DNAJA4: variants seen among roughly 807,000 people sequenced by gnomAD.
DNAJA4 encodes dnaJ homolog subfamily A member 4.
A neutral mutation model predicts 39.7 loss-of-function variants in DNAJA4; 32 were observed. The ratio of observed to expected loss-of-function variants is 0.81; its 90% confidence interval spans 0.61 to 1.08. DNAJA4 has a LOEUF of 1.08. DNAJA4 is among the 50% of genes least tolerant of loss of function. The pLI is 0.00. For synonymous variants in DNAJA4, 184 were observed against 182.4 expected (o/e 1.01, Z -0.07); for missense variants, 439 against 505.1 (o/e 0.87, Z 1.25).
rs1023214078 is a variant in DNAJA4, at chr15:78,281,506, G to C, written c.*1046G>C. The stretch of plus-strand genomic sequence containing the variant: ...GGTTTCCTGCTCAAGTGATGTTTTG[G>C]TAAGAACTTCGCTGAGTTCCACTGT... On this transcript the variant is annotated 3_prime_UTR_variant, in exon 7 of 7. Coordinates refer to ENST00000394852, the MANE Select transcript of DNAJA4 (RefSeq NM_001130182.2). The C allele has an allele frequency of 6.6e-6, 1 of 152,230 alleles. No individual in the cohort carries two copies. The highest frequency in any genetic ancestry group is 2.4e-5 in the African/African-American group (1 of 41,448). The allele number at this position is 152,230 out of a possible 1,614,324, so 9.4% of individuals were successfully genotyped here.
In DNAJA4 at chr15:78,280,590, GC is replaced by G; in HGVS notation, c.*131del. The stretch of plus-strand genomic sequence containing the variant: ...GTGTATGTGTTCAGCATTCTTAATT[GC>G]TGAGTGTCTTTTTGGCTTTTCTTTT... On this transcript the variant is annotated 3_prime_UTR_variant, in exon 7 of 7. Coordinates refer to ENST00000394852, the MANE Select transcript of DNAJA4 (RefSeq NM_001130182.2). 1 of 742,794 alleles carries G rather than the reference GC, an allele frequency of 1.3e-6. No individual in the cohort carries two copies. The highest frequency in any genetic ancestry group is 3.1e-5 in the Admixed American group (1 of 32,002). 46.0% of individuals were successfully genotyped at this position (742,794 alleles called of 1,614,324 possible).
chr15:78,271,644 G>C (rs2049301736), intron 2 of DNAJA4, among the ~76,000 whole-genome samples: 1 of 152,184 alleles, frequency 6.6e-6, no homozygotes, highest in Admixed American at 6.5e-5. Context: ...CCAGGCCACT[G>C]TTTTGACTTT....
rs77568880 is a variant in DNAJA4 at position 78,280,417 on chromosome 15, A to G, written c.1151A>G (p.Asp384Gly). ...CAGCACAGGGAGGCCTACGAGGAGG[A>G]CGAAGACGGGCCCCAGGCTGGAGTG... ...WRQHREAYEE[D>G]EDGPQAGVQC... Residue 384 changes from aspartate (D) to glycine (G), a missense_variant, in exon 7 of 7, where the codon GAC (aspartate) becomes GGC (glycine). By Grantham distance (94) the Asp-to-Gly change is moderately conservative. Coordinates refer to ENST00000394852, the MANE Select transcript of DNAJA4 (RefSeq NM_001130182.2). The G allele has an allele frequency of 1.1e-3, 1,817 of 1,613,742 alleles. 1 individual carries two copies. Among genetic ancestry groups the G allele is most frequent in the Non-Finnish European group, 1.5e-3 (1,732 of 1,179,960 alleles).
Position 78,280,664 on chromosome 15 carries a change from A to G in DNAJA4, c.*204A>G, listed in dbSNP as rs2049630412. 9.1e-6 allele frequency: 5 copies of G among 549,732 alleles called. No individual in the cohort carries two copies. Among genetic ancestry groups the G allele is most frequent in the Non-Finnish European group, 1.6e-5 (5 of 312,118 alleles). 34.1% of individuals were successfully genotyped at this position (549,732 alleles called of 1,614,324 possible). ...TAATTTATATTTAAATGTTTTAAGT[A>G]TAAATCACCTCTAGTCTGCATATGG... On this transcript the variant is annotated 3_prime_UTR_variant, in exon 7 of 7. Transcript: ENST00000394852.
chr15:78,273,194 G>A lies in DNAJA4; in HGVS notation c.413G>A (p.Cys138Tyr), dbSNP rs1424575840. 1 of 1,580,272 alleles carries A rather than the reference G, an allele frequency of 6.3e-7. No individual in the cohort carries two copies. The highest frequency in any genetic ancestry group is 1.1e-5 in the South Asian group (1 of 90,334). The part of the protein sequence containing the change: ...ALQKNVICEK[C>Y]EGVGGKKGSV... ...CAGAAAAATGTAATTTGTGAGAAAT[G>A]TGAAGGTAAAAATTAATTTTTGACT... Residue 138 changes from cysteine to tyrosine, a missense_variant, in exon 3 of 7, where the codon TGT (cysteine) becomes TAT (tyrosine). By Grantham distance (194) the Cys-to-Tyr change is radical. Transcript: ENST00000394852.
At chr15:78,264,942 G>A (rs1002009049) in intron 1 of DNAJA4, 47 bp downstream of exon 1, 12 of 1,520,228 alleles carry the variant, frequency 7.9e-6, no homozygotes, top group African/African-American at 2.8e-5. Context: ...GGGGCCAAGG[G>A]TTATTAAGCC....
rs1303399798 is a variant in DNAJA4, at chr15:78,281,155, CTGTT to C, written c.*698_*701del. On this transcript the variant is annotated 3_prime_UTR_variant, in exon 7 of 7. Coordinates refer to ENST00000394852, the MANE Select transcript of DNAJA4 (RefSeq NM_001130182.2). ...CAGTGTTTGAATCATATGCTGATAA[CTGTT>C]TGCCTGTGACCCTCACACCTTGTTC... 5.9e-5 allele frequency: 9 copies of C among 152,808 alleles called. No individual in the cohort carries two copies. Among genetic ancestry groups the C allele is most frequent in the African/African-American group, 2.2e-4 (9 of 41,590 alleles). 9.5% of individuals were successfully genotyped at this position (152,808 alleles called of 1,614,324 possible).
chr15:78,275,773 CATA>C (rs753068873), intron 5 of DNAJA4, 45 bp downstream of exon 5: 149 of 1,400,096 alleles, frequency 1.1e-4, no homozygotes, highest in Non-Finnish European at 1.3e-4. Flanking sequence ...GTATGTTTGG[CATA>C]ATAATTCTGG....
Position 78,273,193 on chromosome 15 carries a change from T to C in DNAJA4, c.412T>C (p.Cys138Arg). 2.5e-6 allele frequency: 4 copies of C among 1,581,228 alleles called. No individual in the cohort carries two copies. Among genetic ancestry groups the C allele is most frequent in the Non-Finnish European group, 2.6e-6 (3 of 1,149,860 alleles). ...ALQKNVICEKCEGVGGKKGSV... is the reference protein window; with the variant it reads ...ALQKNVICEKREGVGGKKGSV... ...CCAGAAAAATGTAATTTGTGAGAAATGTGAAGGTAAAAATTAATTTTTGAC... is the reference window on the plus strand; with the variant it reads ...CCAGAAAAATGTAATTTGTGAGAAACGTGAAGGTAAAAATTAATTTTTGAC... The change falls in exon 3 of 7, where the codon TGT becomes CGT. Residue 138 changes from cysteine to arginine, a missense_variant. Coordinates refer to ENST00000394852, the MANE Select transcript of DNAJA4 (RefSeq NM_001130182.2).
chr15:78,267,280 G>A (rs757209155), intron 1 of DNAJA4, among the ~76,000 whole-genome samples: 3 of 151,772 alleles, frequency 2.0e-5, no homozygotes, highest in Non-Finnish European at 4.4e-5. Context: ...TCCTAAGTTC[G>A]TCACTGTATT....
chr15:78,280,457 A>C lies in DNAJA4; in HGVS notation c.1191A>C (p.Ala397=). The change falls in exon 7 of 7, where the codon GCA becomes GCC. Residue 397 remains alanine (A), a synonymous_variant. Coordinates refer to ENST00000394852, the MANE Select transcript of DNAJA4 (RefSeq NM_001130182.2). The part of the protein sequence containing the change: ...GPQAGVQCQT[A] The stretch of plus-strand genomic sequence containing the variant: ...AGGCTGGAGTGCAGTGCCAGACGGC[A>C]TGACGTGGTGCGGGGCAGCGTGGCC... 6.2e-7 allele frequency: 1 copy of C among 1,608,448 alleles called. No individual in the cohort carries two copies. The highest frequency in any genetic ancestry group is 8.5e-7 in the Non-Finnish European group (1 of 1,177,522).
At chr15:78,277,206 CAG>C (rs1187216227) in intron 5 of DNAJA4, among the ~76,000 whole-genome samples, 1 of 152,002 alleles carries the variant, frequency 6.6e-6, no homozygotes, top group Non-Finnish European at 1.5e-5. Flanking sequence ...TTTTTTGAGA[CAG>C]GGGTCTTGCT....
At chr15:78,266,098 T>C in intron 1 of DNAJA4, 2 of 718,688 alleles carry the variant, frequency 2.8e-6, no homozygotes, top group South Asian at 1.9e-5. Flanking sequence ...TGGCTTACTG[T>C]AGCTTTTAAA....
At chr15:78,277,097 C>G (rs1011771006) in intron 5 of DNAJA4, among the ~76,000 whole-genome samples, 2 of 152,176 alleles carry the variant, frequency 1.3e-5, no homozygotes, top group African/African-American at 4.8e-5. Context: ...AGTCCGAGGC[C>G]CATCCATATA....
chr15:78,272,059 T>C (rs1230288758), intron 2 of DNAJA4, among the ~76,000 whole-genome samples: 1 of 152,154 alleles, frequency 6.6e-6, no homozygotes, highest in African/African-American at 2.4e-5. Context: ...GCTCCTATAA[T>C]TGATGGTGTG....
Position 78,264,752 on chromosome 15 carries a change from C to A in DNAJA4, c.-12C>A, listed in dbSNP as rs746353737. 1.3e-6 allele frequency: 2 copies of A among 1,560,838 alleles called. No homozygotes were observed. Among genetic ancestry groups the A allele is most frequent in the Non-Finnish European group, 1.7e-6 (2 of 1,150,290 alleles). On this transcript the variant is annotated 5_prime_UTR_variant, in exon 1 of 7. Coordinates refer to ENST00000394852, the MANE Select transcript of DNAJA4 (RefSeq NM_001130182.2). ...TCTGACCGGCCTCGCCCGCCCCCCC[C>A]GCAGACACAAGATGGTGAAGGAGAC...
chr15:78,267,464 TG>T (rs1006721717), intron 1 of DNAJA4, among the ~76,000 whole-genome samples: 3 of 118,594 alleles, frequency 2.5e-5, no homozygotes, highest in African/African-American at 1.0e-4. Flanking sequence ...TCTCTGCGGG[TG>T]TTTTTTTTTT....
intron 1 of DNAJA4, among the ~76,000 whole-genome samples, chr15:78,269,184 T>C (rs1046851625): frequency 6.6e-6 from 1 of 152,144 alleles, no homozygotes; most frequent in African/African-American, 2.4e-5. Context: ...CCCAGTGACG[T>C]GGGCCACCTT....
In DNAJA4 at chr15:78,265,988, T is replaced by A. The variant is rs2049111414; in HGVS notation, c.132+1093T>A. On this transcript the variant is annotated intron_variant, in intron 1 of 6. Transcript: ENST00000394852. ...GCAACAGTGATGGAATATTTATATTTAGCCACATGTGCTGAATGTGGCTGT... is the reference window on the plus strand; with the variant it reads ...GCAACAGTGATGGAATATTTATATTAAGCCACATGTGCTGAATGTGGCTGT... 8.5e-6 allele frequency: 5 copies of A among 588,294 alleles called. No individual in the cohort carries two copies. The East Asian group carries it at 1.4e-4, about 16-fold the overall frequency. The allele number at this position is 588,294 out of a possible 1,614,324, so 36.4% of individuals were successfully genotyped here.
Sources: gnomAD v4.1 joint callset for allele counts (sites outside exome capture counted in the v4.1 genomes callset) on GRCh38, gnomAD v4.1.1 for gene constraint, MANE v1.5 for transcripts, NCBI Gene and HGNC (gene_info 2026-07-23, HGNC 2026-07-21) for gene names.